TENM2: variants seen among roughly 807,000 people sequenced by gnomAD.
The protein encoded by TENM2 is teneurin-2.
In TENM2, 52 loss-of-function variants were observed where a neutral mutation model predicts 245.2. The ratio of observed to expected loss-of-function variants is 0.21; its 90% CI spans 0.17 to 0.27. The LOEUF (loss-of-function observed/expected upper bound fraction) is 0.27. Among genes scored for constraint, TENM2 ranks in the 10% least tolerant of loss-of-function variants. TENM2 has a pLI of 1.00. For synonymous variants in TENM2, 1,363 were observed against 1,438.9 expected, an observed-to-expected ratio of 0.95 and a Z score of 1.19; for missense variants, 3,046 against 3,666.8, an observed-to-expected ratio of 0.83 and a Z score of 4.37.
At chr5:167,859,422 G>A (rs1468445471) in intron 2 of TENM2, among the ~76,000 whole-genome samples, 42 of 142,288 alleles carry the variant, frequency 3.0e-4, no homozygotes, top group Admixed American at 3.5e-4. Context: ...CCGTCCGGGA[G>A]GTGAGGGGCG....
Position 167,812,173 on chromosome 5 carries a change from A to C in TENM2, c.503-63813A>C, listed in dbSNP as rs1349562530. ...ACATAAGATGAGATCATCCAATAAAATGTAGTATTCCTGCAGCACAAAGTA... is the reference window on the plus strand; with the variant it reads ...ACATAAGATGAGATCATCCAATAAACTGTAGTATTCCTGCAGCACAAAGTA... On this transcript the variant is annotated intron_variant, in intron 2 of 28. Transcript: ENST00000518659. Among the ~76,000 whole-genome samples the C allele has an allele frequency of 2.0e-5, 3 of 152,310 alleles. No homozygotes were observed. In the East Asian group the frequency reaches 5.8e-4, roughly 29 times the overall value.
exon 29 of TENM2, chr5:168,262,910 G>A: frequency 8.1e-7 from 1 of 1,232,208 alleles, no homozygotes. Flanking sequence ...CACTGCGGCT[G>A]GGCTGCTTTA....
At chr5:167,707,013 T>TAAA (rs34373602) in intron 2 of TENM2, among the ~76,000 whole-genome samples, 7 of 70,086 alleles carry the variant, frequency 1.0e-4, no homozygotes, top group African/African-American at 3.8e-4. Flanking sequence ...AGACTCCGCC[T>TAAA]AAAAAAAAAA....
At chr5:167,095,727 C>T in the TENM2 span, among the ~76,000 whole-genome samples, 5 of 149,296 alleles carry the variant, frequency 3.3e-5, no homozygotes, top group Non-Finnish European at 7.4e-5. Flanking sequence ...AACCACTACT[C>T]AAAACAAGAT....
chr5:167,362,836 A>G (rs6883599), intron 1 of TENM2, among the ~76,000 whole-genome samples: 141,918 of 152,208 alleles, frequency 0.93, 66,236 homozygotes, highest in East Asian at 0.98. Flanking sequence ...ATTGCTTATC[A>G]TTTTGTAGTT....
intron 3 of TENM2, among the ~76,000 whole-genome samples, chr5:167,921,863 C>T (rs1777397187): frequency 6.6e-6 from 1 of 151,952 alleles, no homozygotes; most frequent in South Asian, 2.1e-4. Flanking sequence ...CTAGTATTAC[C>T]CCAACTTTAC....
At chr5:167,568,009 T>C (rs988642173) in intron 2 of TENM2, among the ~76,000 whole-genome samples, 3 of 151,872 alleles carry the variant, frequency 2.0e-5, no homozygotes, top group African/African-American at 7.3e-5. Flanking sequence ...CATGTAACCT[T>C]CAGTATACTT....
chr5:167,823,098 T>C (rs1767669958), intron 2 of TENM2, among the ~76,000 whole-genome samples: 1 of 152,148 alleles, frequency 6.6e-6, no homozygotes, highest in South Asian at 2.1e-4. Flanking sequence ...ATTTTTTTCT[T>C]AGTCTGGAAA....
At chr5:167,144,284 G>A in the TENM2 span, among the ~76,000 whole-genome samples, 1 of 152,268 alleles carries the variant, frequency 6.6e-6, no homozygotes, top group Middle Eastern at 3.4e-3. Context: ...TGACAATCAC[G>A]GATCTGAGGA....
At chr5:168,075,834 G>T (rs1460614081) in intron 7 of TENM2, among the ~76,000 whole-genome samples, 2 of 152,212 alleles carry the variant, frequency 1.3e-5, no homozygotes, top group African/African-American at 2.4e-5. Flanking sequence ...AGAAGTAAAG[G>T]CACATCTACA....
At chr5:167,557,517 T>G (rs2127633954) in intron 2 of TENM2, among the ~76,000 whole-genome samples, 1 of 152,276 alleles carries the variant, frequency 6.6e-6, no homozygotes, top group Middle Eastern at 3.4e-3. Flanking sequence ...TATGTAACAG[T>G]TTAAAGAAGC....
intron 2 of TENM2, among the ~76,000 whole-genome samples, chr5:167,654,126 T>A (rs1038905651): frequency 6.6e-6 from 1 of 152,166 alleles, no homozygotes; most frequent in Non-Finnish European, 1.5e-5. Flanking sequence ...TAACTTTTTT[T>A]TTTTACTACC....
chr5:168,113,913 G>A (rs781759545), intron 9 of TENM2, among the ~76,000 whole-genome samples: 1 of 152,142 alleles, frequency 6.6e-6, no homozygotes, highest in Non-Finnish European at 1.5e-5. Flanking sequence ...GACAGAAAAC[G>A]CTCCACTTTC....
chr5:167,869,261 G>T (rs1419509535), intron 2 of TENM2, among the ~76,000 whole-genome samples: 1 of 152,208 alleles, frequency 6.6e-6, no homozygotes, highest in Non-Finnish European at 1.5e-5. Flanking sequence ...GGAGCCCAGG[G>T]TTTTATTTGG....
chr5:167,140,228 T>G, the TENM2 span, among the ~76,000 whole-genome samples: 3 of 152,202 alleles, frequency 2.0e-5, no homozygotes, highest in Non-Finnish European at 4.4e-5. Flanking sequence ...GACATAGGCA[T>G]GCAATGTGAA....
At chr5:167,721,037 A>G (rs555203624) in intron 2 of TENM2, among the ~76,000 whole-genome samples, 19 of 152,318 alleles carry the variant, frequency 1.2e-4, no homozygotes, top group Non-Finnish European at 2.2e-4. Flanking sequence ...CTCATTGCCC[A>G]ATCACTTAAT....
intron 27 of TENM2, among the ~76,000 whole-genome samples, chr5:168,252,857 A>C (rs1431950163): frequency 6.6e-6 from 1 of 152,066 alleles, no homozygotes; most frequent in Non-Finnish European, 1.5e-5. Context: ...CAAAAAAAAA[A>C]AACAAAAAAG....
chr5:168,208,924 TC>T (rs1762582185), intron 19 of TENM2, among the ~76,000 whole-genome samples: 1 of 152,188 alleles, frequency 6.6e-6, no homozygotes, highest in South Asian at 2.1e-4. Context: ...GCCAATTCTA[TC>T]ACAAACATCA....
chr5:168,084,253 T>A (rs891221249), intron 7 of TENM2, among the ~76,000 whole-genome samples: 1 of 152,232 alleles, frequency 6.6e-6, no homozygotes, highest in African/African-American at 2.4e-5. Flanking sequence ...GAAGGATTTG[T>A]TTTCTTTTGG....
Sources: gnomAD v4.1 joint callset for allele counts (sites outside exome capture counted in the v4.1 genomes callset) on GRCh38, gnomAD v4.1.1 for gene constraint, MANE v1.5 for transcripts, NCBI Gene and HGNC (gene_info 2026-07-23, HGNC 2026-07-21) for gene names.